PPM1L: variants seen among roughly 807,000 people sequenced by gnomAD.
The protein encoded by PPM1L is protein phosphatase, Mg2+/Mn2+ dependent 1L, also known as protein phosphatase 1L.
PPM1L carries 13 observed loss-of-function variants against 31.4 expected under a neutral mutation model. The ratio of observed to expected loss-of-function variants is 0.41; its 90% confidence interval spans 0.27 to 0.66. PPM1L has a LOEUF of 0.66. Among genes scored for constraint, PPM1L ranks in the 30% least tolerant of loss-of-function variants. The probability of loss-of-function intolerance (pLI) is 0.29; values close to 1 mark genes in which losing one functional copy is unlikely to be tolerated. For synonymous variants in PPM1L, 184 were observed against 175.4 expected, an observed-to-expected ratio of 1.05 and a Z score of -0.39; for missense variants, 326 against 453.7, an observed-to-expected ratio of 0.72 and a Z score of 2.56.
At chr3:160,864,081 C>A (rs1205655148) in intron 1 of PPM1L, among the ~76,000 whole-genome samples, 1 of 152,132 alleles carries the variant, frequency 6.6e-6, no homozygotes, top group Non-Finnish European at 1.5e-5. Context: ...GTTACCACTC[C>A]GTATTGAATT....
intron 1 of PPM1L, among the ~76,000 whole-genome samples, chr3:160,918,199 G>A (rs778076993): frequency 9.9e-5 from 15 of 152,156 alleles, no homozygotes; most frequent in Non-Finnish European, 1.2e-4. Context: ...TCTTCTTTCC[G>A]ATGAGACTGA....
intron 1 of PPM1L, among the ~76,000 whole-genome samples, chr3:160,944,856 A>T (rs373932241): frequency 6.5e-5 from 3 of 45,896 alleles, no homozygotes; most frequent in East Asian, 2.9e-4. Context: ...TATAACATAT[A>T]TTATATATAA....
At chr3:161,056,175 T>A (rs1431126365) in intron 2 of PPM1L, among the ~76,000 whole-genome samples, 1 of 152,104 alleles carries the variant, frequency 6.6e-6, no homozygotes, top group Non-Finnish European at 1.5e-5. Context: ...AAGGATTGAG[T>A]GGCACTACTT....
At chr3:161,032,702 T>C (rs1718607379) in intron 2 of PPM1L, among the ~76,000 whole-genome samples, 1 of 151,224 alleles carries the variant, frequency 6.6e-6, no homozygotes, top group Non-Finnish European at 1.5e-5. Flanking sequence ...CTTTTTTTTT[T>C]TTTTTGAGAG....
intron 2 of PPM1L, among the ~76,000 whole-genome samples, chr3:160,989,088 A>T (rs1167441717): frequency 6.6e-6 from 1 of 152,214 alleles, no homozygotes; most frequent in Non-Finnish European, 1.5e-5. Context: ...CAAATAAGAC[A>T]ATCCTTTAGA....
At chr3:160,953,779 GCTTA>G (rs1301301838) in intron 1 of PPM1L, among the ~76,000 whole-genome samples, 1 of 152,106 alleles carries the variant, frequency 6.6e-6, no homozygotes, top group Non-Finnish European at 1.5e-5. Context: ...TAGTTTTCAG[GCTTA>G]CTGTTAAATT....
intron 2 of PPM1L, among the ~76,000 whole-genome samples, chr3:160,962,693 T>C (rs1168464705): frequency 6.6e-6 from 1 of 152,062 alleles, no homozygotes; most frequent in African/African-American, 2.4e-5. Context: ...CTGCTTCTAT[T>C]TTTACAAGTA....
chr3:160,921,192 G>A (rs987673255), intron 1 of PPM1L, among the ~76,000 whole-genome samples: 7 of 152,138 alleles, frequency 4.6e-5, no homozygotes, highest in African/African-American at 1.7e-4. Context: ...CGTAACTGTG[G>A]AGCCTGCAGT....
intron 2 of PPM1L, among the ~76,000 whole-genome samples, chr3:161,009,177 G>T (rs1022841482): frequency 1.3e-5 from 2 of 152,144 alleles, no homozygotes; most frequent in African/African-American, 4.8e-5. Context: ...TATTTCTACA[G>T]TGTTTTTAAT....
intron 1 of PPM1L, among the ~76,000 whole-genome samples, chr3:160,863,677 T>C (rs2108023892): frequency 6.6e-6 from 1 of 152,306 alleles, no homozygotes; most frequent in African/African-American, 2.4e-5. Context: ...TCAAGTATGT[T>C]GTACAGTTTG....
intron 1 of PPM1L, among the ~76,000 whole-genome samples, chr3:160,865,144 A>G (rs1712044711): frequency 6.6e-6 from 1 of 152,230 alleles, no homozygotes; most frequent in African/African-American, 2.4e-5. Context: ...GCATTCTGGG[A>G]AAGTCAATAA....
chr3:161,017,077 AACATTTCATTACTGT>A (rs1718107781), intron 2 of PPM1L, among the ~76,000 whole-genome samples: 1 of 152,158 alleles, frequency 6.6e-6, no homozygotes, highest in African/African-American at 2.4e-5. Flanking sequence ...GGATTTTTGA[AACATTTCATTACTGT>A]ACTTAGAAAG....
At chr3:160,775,819 C>T (rs7642371) in intron 1 of PPM1L, among the ~76,000 whole-genome samples, 1 of 152,082 alleles carries the variant, frequency 6.6e-6, no homozygotes, top group Non-Finnish European at 1.5e-5. Flanking sequence ...CTTCCCCAAA[C>T]GATCATGCAA....
intron 1 of PPM1L, among the ~76,000 whole-genome samples, chr3:160,832,703 A>G (rs1048451942): frequency 2.0e-5 from 3 of 152,184 alleles, no homozygotes; most frequent in African/African-American, 7.2e-5. Context: ...CATTGGTGCA[A>G]TAATGTTAAC....
intron 1 of PPM1L, among the ~76,000 whole-genome samples, chr3:160,779,518 T>C (rs911422195): frequency 1.3e-5 from 2 of 152,070 alleles, no homozygotes; most frequent in Non-Finnish European, 2.9e-5. Context: ...TAACCTTCAC[T>C]CTGCTACTTT....
At chr3:160,836,487 C>A (rs1374430018) in intron 1 of PPM1L, among the ~76,000 whole-genome samples, 1 of 152,204 alleles carries the variant, frequency 6.6e-6, no homozygotes, top group East Asian at 1.9e-4. Context: ...TTTCCATCAT[C>A]TGTAAAATGT....
intron 1 of PPM1L, among the ~76,000 whole-genome samples, chr3:160,900,990 G>T (rs936683697): frequency 6.6e-6 from 1 of 151,912 alleles, no homozygotes; most frequent in African/African-American, 2.4e-5. Context: ...GTTTCTTTTG[G>T]TTCTTTTAGC....
intron 1 of PPM1L, among the ~76,000 whole-genome samples, chr3:160,782,056 T>A (rs947503488): frequency 6.6e-6 from 1 of 152,214 alleles, no homozygotes; most frequent in Non-Finnish European, 1.5e-5. Context: ...CACTGGTTTT[T>A]AATATAGTTA....
At chr3:160,949,249 CT>C (rs1165899682) in intron 1 of PPM1L, among the ~76,000 whole-genome samples, 1 of 152,160 alleles carries the variant, frequency 6.6e-6, no homozygotes, top group Non-Finnish European at 1.5e-5. Flanking sequence ...TGTTTATGAG[CT>C]TTATACCTGG....
Sources: gnomAD v4.1 joint callset for allele counts (sites outside exome capture counted in the v4.1 genomes callset) on GRCh38, gnomAD v4.1.1 for gene constraint, MANE v1.5 for transcripts, NCBI Gene and HGNC (gene_info 2026-07-23, HGNC 2026-07-21) for gene names.